MYRIP: variants seen among roughly 807,000 people sequenced by gnomAD.
MYRIP encodes the protein myosin VIIA and Rab interacting protein.
Under a neutral mutation model 98.0 loss-of-function variants are expected in MYRIP, and 49 were observed. That is an observed-to-expected ratio of 0.50 (90% confidence interval 0.40 to 0.63). The LOEUF is 0.63. Ranked by LOEUF, MYRIP falls within the 30% of genes least tolerant of loss-of-function variation. The pLI is 0.00. For missense variants in MYRIP, 1,004 were observed against 1,058.2 expected, an observed-to-expected ratio of 0.95 and a Z score of 0.71; for synonymous variants, 404 against 409.5, an observed-to-expected ratio of 0.99 and a Z score of 0.16.
intron 11 of MYRIP, among the ~76,000 whole-genome samples, chr3:40,225,927 CCCTGTTAACGTTT>C (rs1200260032): frequency 1.3e-5 from 2 of 152,096 alleles, no homozygotes. Context: ...TTTAGATGAC[CCCTGTTAACGTTT>C]CCTGTTACCT....
intron 16 of MYRIP, among the ~76,000 whole-genome samples, chr3:40,257,333 G>GA (rs1242991363): frequency 1.3e-5 from 2 of 152,028 alleles, no homozygotes; most frequent in African/African-American, 4.8e-5. Flanking sequence ...AAGAATGAAT[G>GA]AAAAAATAAC....
chr3:40,218,626 A>ATATATATTT (rs1952220998), intron 11 of MYRIP, among the ~76,000 whole-genome samples: 1 of 14,808 alleles, frequency 6.8e-5, no homozygotes, highest in African/African-American at 1.1e-4. Flanking sequence ...ATATATATAT[A>ATATATATTT]TATATATATA....
At chr3:39,879,487 T>C (rs56120716) in intron 1 of MYRIP, among the ~76,000 whole-genome samples, 21,997 of 151,916 alleles carry the variant, frequency 0.14, 1,610 homozygotes, top group Middle Eastern at 0.19. Flanking sequence ...TCTCCTAAAG[T>C]GTATTGAGTT....
In MYRIP at chr3:40,078,225, G is replaced by A. The variant is rs534753038; in HGVS notation, c.332+33954G>A. ...AGGGCCAGCTGGCTGCTCCGAGTGC[G>A]GCCCGCCAAGCCCACGCCCACCCGG... On this transcript the variant is annotated intron_variant, in intron 3 of 16. Transcript: ENST00000302541. Among the ~76,000 whole-genome samples the A allele has an allele frequency of 1.1e-3, 165 of 152,346 alleles. 1 individual carries two copies. The highest frequency in any genetic ancestry group is 3.7e-3 in the African/African-American group (152 of 41,586).
intron 5 of MYRIP, 44 bp from the exon 6 acceptor site, chr3:40,166,799 CTCA>C (rs1326562072): frequency 1.6e-6 from 2 of 1,248,794 alleles, no homozygotes; most frequent in Non-Finnish European, 2.4e-6. Flanking sequence ...AATCGTTTTA[CTCA>C]TCATTCCCTT....
At chr3:39,840,773 A>G (rs2125594131) in intron 1 of MYRIP, among the ~76,000 whole-genome samples, 2 of 152,274 alleles carry the variant, frequency 1.3e-5, no homozygotes, top group South Asian at 4.1e-4. Context: ...TTTCTTTAAG[A>G]ATGTTGAATA....
chr3:39,864,244 A>G (rs1432274479), intron 1 of MYRIP, among the ~76,000 whole-genome samples: 1 of 152,188 alleles, frequency 6.6e-6, no homozygotes, highest in Non-Finnish European at 1.5e-5. Context: ...CCAGTACAAA[A>G]CAAGGATGCC....
At chr3:40,180,793 G>A (rs1575601933) in intron 8 of MYRIP, among the ~76,000 whole-genome samples, 1 of 152,176 alleles carries the variant, frequency 6.6e-6, no homozygotes, top group South Asian at 2.1e-4. Flanking sequence ...TCACCCCAAG[G>A]TTTCGTGGGG....
intron 2 of MYRIP, among the ~76,000 whole-genome samples, chr3:40,007,548 C>A (rs1041611411): frequency 2.6e-5 from 4 of 152,166 alleles, no homozygotes; most frequent in Admixed American, 6.5e-5. Context: ...ATTGACTTAA[C>A]CTCCATGAAC....
intron 11 of MYRIP, among the ~76,000 whole-genome samples, chr3:40,227,159 A>C (rs768911416): frequency 3.3e-5 from 5 of 152,198 alleles, no homozygotes; most frequent in Admixed American, 2.6e-4. Context: ...CATCCCCTGC[A>C]GGGCCCAATG....
intron 3 of MYRIP, among the ~76,000 whole-genome samples, chr3:40,107,291 C>A (rs531527844): frequency 7.9e-5 from 12 of 152,298 alleles, no homozygotes; most frequent in African/African-American, 2.9e-4. Context: ...CACTTTATGG[C>A]CTCCAGCTTG....
chr3:40,206,578 C>T (rs1163496738), intron 10 of MYRIP, among the ~76,000 whole-genome samples: 1 of 152,158 alleles, frequency 6.6e-6, no homozygotes, highest in Non-Finnish European at 1.5e-5. Flanking sequence ...CCTCAACCAA[C>T]CAGATGAGGG....
chr3:39,837,488 C>CT lies in MYRIP; in HGVS notation c.-31+27574dup, dbSNP rs1291073214. 2.0e-5 allele frequency among the ~76,000 whole-genome samples: 3 copies of CT among 152,110 alleles called. No homozygotes were observed. The East Asian group carries it at 5.8e-4, about 29-fold the overall frequency. ...TAAATAGGGAATCCTTTCCCCATTG[C>CT]TTGTTTTTATCAGGTTTGTCACAGA... On this transcript the variant is annotated intron_variant, in intron 1 of 16. Transcript: ENST00000302541.
intron 2 of MYRIP, among the ~76,000 whole-genome samples, chr3:39,907,486 C>T (rs566536300): frequency 1.3e-5 from 2 of 152,256 alleles, no homozygotes; most frequent in Non-Finnish European, 2.9e-5. Flanking sequence ...TACTACCTCT[C>T]CCCTCGCCTT....
At position 39,958,303 on chromosome 3, in the gene MYRIP, A is replaced by C. The variant is rs371644609; in HGVS notation, c.110+57377A>C. ...ATACTACAAGGCTACAGTAACCAAA[A>C]CAGCATGGTACTGGTACCAAAACAG... is the stretch of plus-strand genomic sequence containing the variant. On this transcript the variant is annotated intron_variant, in intron 2 of 16. Coordinates refer to ENST00000302541, the MANE Select transcript of MYRIP (RefSeq NM_015460.4). Among the ~76,000 whole-genome samples the C allele has an allele frequency of 1.3e-3, 200 of 152,286 alleles. 3 individuals are homozygous for C. In the South Asian group the frequency reaches 0.04, roughly 30 times the overall value.
chr3:39,940,516 G>A (rs1451821448), intron 2 of MYRIP, among the ~76,000 whole-genome samples: 1 of 152,056 alleles, frequency 6.6e-6, no homozygotes, highest in African/African-American at 2.4e-5. Context: ...ATGAGAGTAT[G>A]TTCTTAGCTC....
chr3:39,822,866 TTC>T (rs796601229), intron 1 of MYRIP, among the ~76,000 whole-genome samples: 4 of 100,472 alleles, frequency 4.0e-5, no homozygotes, highest in East Asian at 2.4e-4. Flanking sequence ...CAGGATTTGA[TTC>T]TTTTTTTTTT....
intron 12 of MYRIP, 124 bp from the exon 13 acceptor site, chr3:40,244,322 A>G (rs970956142): frequency 5.4e-6 from 4 of 746,060 alleles, no homozygotes; most frequent in African/African-American, 3.6e-5. Context: ...TATAAAAATA[A>G]CATCCCCCCT....
rs142269004 is a variant in MYRIP, at chr3:39,925,599, G to A, written c.110+24673G>A. On this transcript the variant is annotated intron_variant, in intron 2 of 16. Transcript: ENST00000302541. Reference sequence around the variant, plus strand: ...ATGTGGTATTTGGTTTCCTGTTCCTGTGTTAATTCACTTAGGATGATGCCC... The same window carrying A: ...ATGTGGTATTTGGTTTCCTGTTCCTATGTTAATTCACTTAGGATGATGCCC... Among the ~76,000 whole-genome samples the A allele has an allele frequency of 3.5e-4, 54 of 152,178 alleles. No individual in the cohort carries two copies. In the East Asian group the frequency reaches 5.8e-3, roughly 16 times the overall value.
Sources: allele counts gnomAD v4.1 joint callset (sites outside exome capture counted in the v4.1 genomes callset), GRCh38; gene constraint gnomAD v4.1.1; transcripts MANE v1.5; gene names NCBI Gene and HGNC (gene_info 2026-07-23, HGNC 2026-07-21).